MTMR9: variants seen among roughly 807,000 people sequenced by gnomAD.
MTMR9 encodes the protein myotubularin related protein 9.
In MTMR9, 39 loss-of-function variants were observed where a neutral mutation model predicts 69.5. The ratio of observed to expected loss-of-function variants is 0.56; its 90% CI spans 0.43 to 0.73. The LOEUF is 0.73. Among genes scored for constraint, MTMR9 ranks in the 30% least tolerant of loss-of-function variants. The pLI, the probability that MTMR9 is intolerant of heterozygous loss-of-function variation, is 0.00. For missense variants in MTMR9, 900 were observed against 671.2 expected (o/e 1.34, Z -3.77); for synonymous variants, 354 against 240.8 (o/e 1.47, Z -4.35).
chr8:11,314,449 G>C (rs1346375347), intron 6 of MTMR9, among the ~76,000 whole-genome samples: 1 of 152,116 alleles, frequency 6.6e-6, no homozygotes, highest in Non-Finnish European at 1.5e-5. Flanking sequence ...TTGAATTACA[G>C]TTTATGAAGG....
intron 3 of MTMR9, chr8:11,300,520 C>G (rs978812284): frequency 1.3e-5 from 2 of 151,980 alleles, no homozygotes; most frequent in African/African-American, 4.9e-5. Flanking sequence ...AAACTTACAG[C>G]TTTAAAATTT....
At chr8:11,292,546 A>G (rs555817659) in intron 1 of MTMR9, among the ~76,000 whole-genome samples, 6 of 152,192 alleles carry the variant, frequency 3.9e-5, no homozygotes, top group Non-Finnish European at 7.3e-5. Context: ...AATAGATGTT[A>G]AGTGGTATCT....
chr8:11,304,713 C>T (rs899493443), intron 3 of MTMR9, 128 bp from the exon 4 acceptor site: 7 of 875,790 alleles, frequency 8.0e-6, no homozygotes, highest in Non-Finnish European at 1.1e-5. Context: ...TAGAGATCCA[C>T]CTGTGAAATT....
chr8:11,331,922 T>C, downstream of MTMR9: 5 of 1,612,030 alleles, frequency 3.1e-6, no homozygotes, highest in Non-Finnish European at 3.4e-6. Flanking sequence ...GTGTGGGCTA[T>C]GCGGTCACCA....
intron 1 of MTMR9, among the ~76,000 whole-genome samples, chr8:11,293,045 C>A (rs1401562135): frequency 6.6e-6 from 1 of 152,186 alleles, no homozygotes; most frequent in Non-Finnish European, 1.5e-5. Flanking sequence ...GCAAGTCCTT[C>A]AAGAATTATC....
intron 9 of MTMR9, chr8:11,320,962 A>T (rs1386435096): frequency 6.5e-6 from 1 of 154,240 alleles, no homozygotes; most frequent in Non-Finnish European, 1.4e-5. Context: ...GTATTCTAGT[A>T]TGTTATACTC....
At chr8:11,331,458 G>A (rs1801222357), downstream of MTMR9, 1 of 1,613,866 alleles carries the variant, frequency 6.2e-7, no homozygotes, top group Non-Finnish European at 8.5e-7. Flanking sequence ...CATTGGATGT[G>A]CCTACAGTGC....
At chr8:11,321,358 C>T in intron 9 of MTMR9, 1 of 455,280 alleles carries the variant, frequency 2.2e-6, no homozygotes, top group Non-Finnish European at 4.4e-6. Flanking sequence ...AGTATTCTTC[C>T]TGTTTAGGAC....
chr8:11,293,338 G>A (rs1799432093), intron 1 of MTMR9, among the ~76,000 whole-genome samples: 1 of 152,176 alleles, frequency 6.6e-6, no homozygotes, highest in Non-Finnish European at 1.5e-5. Flanking sequence ...TCAGCTTAGT[G>A]TTATTACAAA....
intron 6 of MTMR9, among the ~76,000 whole-genome samples, chr8:11,312,942 C>G (rs992519540): frequency 6.6e-6 from 1 of 152,214 alleles, no homozygotes; most frequent in Non-Finnish European, 1.5e-5. Context: ...TGAAAGGAGT[C>G]TTTTCTTCTG....
Position 11,314,947 on chromosome 8 carries a change from C to G in MTMR9, c.996C>G (p.His332Gln). ...GGGAAGGAGCATCAATATTGATTCA[C>G]GGAACAGAAGGAACTGATTCCACAC... ...IDREGASILI[H>Q]GTEGTDSTLQ... Residue 332 changes from histidine (H) to glutamine (Q), a missense_variant, in exon 7 of 10, where the codon CAC (histidine) becomes CAG (glutamine). Physicochemically the swap from His to Gln is conservative, Grantham distance 24. Transcript: ENST00000221086. 2 of 1,613,674 alleles carry G rather than the reference C, an allele frequency of 1.2e-6. No homozygotes were observed. The highest frequency in any genetic ancestry group is 8.5e-7 in the Non-Finnish European group (1 of 1,179,692).
the MTMR9 span, among the ~76,000 whole-genome samples, chr8:11,337,726 T>G: frequency 2.0e-5 from 3 of 152,198 alleles, no homozygotes; most frequent in African/African-American, 2.4e-5. Context: ...AAAATAAATT[T>G]TTAACACATT....
At chr8:11,321,387 AAAGCCAC>A in intron 9 of MTMR9, 1 of 456,300 alleles carries the variant, frequency 2.2e-6, no homozygotes, top group Non-Finnish European at 4.4e-6. Context: ...CAATGTACTT[AAAGCCAC>A]TGTCACATTT....
chr8:11,295,240 C>T lies in MTMR9; in HGVS notation c.229C>T (p.Arg77Ter), dbSNP rs771466548. The T allele has an allele frequency of 1.9e-6, 3 of 1,611,326 alleles. No individual in the cohort carries two copies. The highest frequency in any genetic ancestry group is 1.1e-5 in the South Asian group (1 of 90,848). The change falls in exon 2 of 10, where the codon CGA becomes TGA. Residue 77 changes from arginine to a stop codon, truncating the protein, a stop_gained. Coordinates refer to ENST00000221086, the MANE Select transcript of MTMR9 (RefSeq NM_015458.4). LOFTEE classifies it high-confidence loss of function. The stretch of plus-strand genomic sequence containing the variant: ...CATCATCATAAAATGTAAAGATTTT[C>T]GAATTATTCAGTTGGATATTCCTGG... ...GTIIIKCKDF[R>*]IIQLDIPGME... is the part of the protein sequence containing the mutation.
At chr8:11,334,648 C>A in the MTMR9 span, among the ~76,000 whole-genome samples, 1 of 152,066 alleles carries the variant, frequency 6.6e-6, no homozygotes, top group Non-Finnish European at 1.5e-5. Flanking sequence ...AGTAACAAAA[C>A]AGCAGAAGTC....
chr8:11,335,798 C>T, the MTMR9 span, among the ~76,000 whole-genome samples: 2 of 152,184 alleles, frequency 1.3e-5, no homozygotes. Context: ...GTGCATGTCT[C>T]TGTGTTCAAA....
At chr8:11,332,046 G>A (rs781182669), downstream of MTMR9, 2 of 1,611,870 alleles carry the variant, frequency 1.2e-6, no homozygotes, top group African/African-American at 2.7e-5. Flanking sequence ...CATGGGGGCA[G>A]GGGTTGTGCT....
intron 3 of MTMR9, among the ~76,000 whole-genome samples, chr8:11,304,307 G>A (rs1799858900): frequency 6.6e-6 from 1 of 152,176 alleles, no homozygotes; most frequent in African/African-American, 2.4e-5. Context: ...GATAGTAGCT[G>A]TGTTCTCATT....
intron 1 of MTMR9, among the ~76,000 whole-genome samples, chr8:11,289,179 A>G (rs1205058111): frequency 6.6e-6 from 1 of 152,176 alleles, no homozygotes; most frequent in South Asian, 2.1e-4. Context: ...TCTCAAAACA[A>G]ACAAACAAAC....
Sources: gnomAD v4.1 joint callset for allele counts (sites outside exome capture counted in the v4.1 genomes callset) on GRCh38, gnomAD v4.1.1 for gene constraint, MANE v1.5 for transcripts, NCBI Gene and HGNC (gene_info 2026-07-23, HGNC 2026-07-21) for gene names.